TAFA1: variants seen among roughly 807,000 people sequenced by gnomAD.
The protein encoded by TAFA1 is TAFA chemokine like family member 1, also known as chemokine-like protein TAFA-1.
A neutral mutation model predicts 18.5 loss-of-function variants in TAFA1; 4 were observed. The observed-to-expected ratio is 0.22, with a 90% CI of 0.11 to 0.49. The LOEUF (loss-of-function observed/expected upper bound fraction) is 0.49, where lower values mean the gene tolerates loss of function less well. Among genes scored for constraint, TAFA1 ranks in the 20% least tolerant of loss-of-function variants. TAFA1 has a pLI of 0.98. For synonymous variants in TAFA1, 56 were observed against 55.2 expected (o/e 1.01, Z -0.06); for missense variants, 147 against 169.0 (o/e 0.87, Z 0.72).
intron 3 of TAFA1, among the ~76,000 whole-genome samples, chr3:68,446,682 A>G (rs980138955): frequency 3.3e-5 from 5 of 152,218 alleles, no homozygotes; most frequent in African/African-American, 1.2e-4. Flanking sequence ...TAGAAAAGAC[A>G]TACAGGTTAA....
intron 2 of TAFA1, among the ~76,000 whole-genome samples, chr3:68,101,733 A>T (rs936921229): frequency 2.0e-5 from 3 of 152,154 alleles, no homozygotes; most frequent in Admixed American, 6.6e-5. Context: ...TCTATTGGAG[A>T]CGGTTTCTCT....
intron 2 of TAFA1, among the ~76,000 whole-genome samples, chr3:68,115,560 G>A (rs2065315031): frequency 1.3e-5 from 2 of 152,178 alleles, no homozygotes; most frequent in Non-Finnish European, 2.9e-5. Context: ...GGAACAGGTT[G>A]AGGTTTTGAT....
At chr3:68,330,987 A>G (rs2068857419) in intron 2 of TAFA1, among the ~76,000 whole-genome samples, 1 of 152,214 alleles carries the variant, frequency 6.6e-6, no homozygotes, top group Non-Finnish European at 1.5e-5. Context: ...TTTTTACAGA[A>G]TGTTCACAGC....
At chr3:68,020,497 T>TG (rs1704664269) in intron 2 of TAFA1, among the ~76,000 whole-genome samples, 1 of 151,826 alleles carries the variant, frequency 6.6e-6, no homozygotes, top group Non-Finnish European at 1.5e-5. Flanking sequence ...AGACAATGTT[T>TG]GTTCTACACT....
chr3:68,171,389 A>G (rs4241393), intron 2 of TAFA1, among the ~76,000 whole-genome samples: 102,921 of 152,052 alleles, frequency 0.68, 35,292 homozygotes, highest in South Asian at 0.78. Context: ...GGTGAGACAC[A>G]TTTTAGACTT....
intron 2 of TAFA1, among the ~76,000 whole-genome samples, chr3:68,087,116 T>C (rs1247194835): frequency 6.6e-6 from 1 of 152,202 alleles, no homozygotes; most frequent in Non-Finnish European, 1.5e-5. Flanking sequence ...TAGTTACCAT[T>C]GGATACCTAC....
chr3:68,161,028 G>A (rs1232061912), intron 2 of TAFA1, among the ~76,000 whole-genome samples: 1 of 152,100 alleles, frequency 6.6e-6, no homozygotes, highest in Non-Finnish European at 1.5e-5. Flanking sequence ...AAGAAATCAG[G>A]ACCATGCCTT....
intron 2 of TAFA1, among the ~76,000 whole-genome samples, chr3:68,323,854 G>GC (rs2068731683): frequency 6.6e-6 from 1 of 152,114 alleles, no homozygotes; most frequent in Non-Finnish European, 1.5e-5. Flanking sequence ...TGTGTTCCAC[G>GC]TTGGGAGGGC....
intron 2 of TAFA1, among the ~76,000 whole-genome samples, chr3:68,305,997 T>C (rs777386559): frequency 6.6e-6 from 1 of 152,244 alleles, no homozygotes; most frequent in Non-Finnish European, 1.5e-5. Context: ...AAACAGTGAA[T>C]TGGAGTAAGT....
At chr3:68,403,378 C>A (rs1351957181) in intron 2 of TAFA1, among the ~76,000 whole-genome samples, 2 of 152,168 alleles carry the variant, frequency 1.3e-5, no homozygotes, top group East Asian at 1.9e-4. Flanking sequence ...CTTGATCATA[C>A]AACAAGCCCC....
At chr3:68,027,754 A>G (rs1038273728) in intron 2 of TAFA1, among the ~76,000 whole-genome samples, 1 of 152,210 alleles carries the variant, frequency 6.6e-6, no homozygotes, top group Non-Finnish European at 1.5e-5. Flanking sequence ...GGAAACTTTG[A>G]AAATGTCATT....
chr3:68,493,200 C>T (rs1191760833), intron 3 of TAFA1, among the ~76,000 whole-genome samples: 1 of 152,154 alleles, frequency 6.6e-6, no homozygotes, highest in African/African-American at 2.4e-5. Flanking sequence ...TCTCCATGAA[C>T]TTGACTACTG....
chr3:68,346,070 T>C (rs1410201751), intron 2 of TAFA1, among the ~76,000 whole-genome samples: 1 of 152,158 alleles, frequency 6.6e-6, no homozygotes, highest in Non-Finnish European at 1.5e-5. Context: ...ATCAGATTTG[T>C]CTAATTGAGA....
intron 3 of TAFA1, among the ~76,000 whole-genome samples, chr3:68,441,041 G>A (rs1010617218): frequency 2.0e-5 from 3 of 152,100 alleles, no homozygotes; most frequent in South Asian, 2.1e-4. Flanking sequence ...TGGGTCTGTC[G>A]AGATATTCTT....
chr3:68,436,077 G>A lies in TAFA1; in HGVS notation c.259+18657G>A, dbSNP rs182677342. 9.2e-5 allele frequency among the ~76,000 whole-genome samples: 14 copies of A among 152,278 alleles called. No homozygotes were observed. The South Asian group carries it at 1.5e-3, about 16-fold the overall frequency. On this transcript the variant is annotated intron_variant, in intron 3 of 4. Coordinates refer to ENST00000478136, the MANE Select transcript of TAFA1 (RefSeq NM_213609.4). ...CCAAAGCTGTAGTGGTTAAGAGCAC[G>A]GGCTGGGGAATAAGGTAGAATGGAT...
intron 2 of TAFA1, among the ~76,000 whole-genome samples, chr3:68,095,498 C>A (rs552937979): frequency 6.6e-6 from 1 of 152,084 alleles, no homozygotes. Flanking sequence ...ACCCACTTTC[C>A]ATGGTGTTAT....
intron 2 of TAFA1, among the ~76,000 whole-genome samples, chr3:68,388,935 A>T (rs1310110263): frequency 6.6e-6 from 1 of 152,212 alleles, no homozygotes; most frequent in Admixed American, 6.5e-5. Context: ...ATTAAGTTGT[A>T]ATTTTCACTT....
At chr3:68,512,842 A>G (rs2072869705) in intron 3 of TAFA1, among the ~76,000 whole-genome samples, 1 of 152,108 alleles carries the variant, frequency 6.6e-6, no homozygotes, top group Non-Finnish European at 1.5e-5. Flanking sequence ...TACATGAACT[A>G]TTAATTTAAA....
At chr3:68,453,540 CAA>C (rs2071603349) in intron 3 of TAFA1, among the ~76,000 whole-genome samples, 1 of 152,104 alleles carries the variant, frequency 6.6e-6, no homozygotes, top group African/African-American at 2.4e-5. Context: ...AATGCAAATA[CAA>C]ATCTCTTTGT....
Sources: allele counts gnomAD v4.1 joint callset (sites outside exome capture counted in the v4.1 genomes callset), GRCh38; gene constraint gnomAD v4.1.1; transcripts MANE v1.5; gene names NCBI Gene and HGNC (gene_info 2026-07-23, HGNC 2026-07-21).